The following SCIN variants were observed in gnomAD, a reference collection of about 807,000 sequenced individuals.
SCIN encodes adseverin.
A neutral mutation model predicts 91.8 loss-of-function variants in SCIN; 91 were observed. That is an observed-to-expected ratio of 0.99 (90% CI 0.84 to 1.18). SCIN has a LOEUF of 1.18. Among genes scored for constraint, SCIN ranks in the 50% most tolerant of loss-of-function variants. SCIN has a pLI of 0.00. For missense variants in SCIN, 1,087 were observed against 863.9 expected, an observed-to-expected ratio of 1.26 and a Z score of -3.24; for synonymous variants, 367 against 312.6, an observed-to-expected ratio of 1.17 and a Z score of -1.84.
rs2115309003 is a variant in SCIN, at chr7:12,655,072, T to C, written c.*2357T>C. 6.6e-6 allele frequency: 1 copy of C among 152,280 alleles called. No homozygotes were observed. Among genetic ancestry groups the C allele is most frequent in the African/African-American group, 2.4e-5 (1 of 41,578 alleles). 9.4% of individuals were successfully genotyped at this position (152,280 alleles called of 1,614,324 possible). ...CAACATCCTTGAATGCTCAAGTCCC[T>C]TATATAAAACGGCATAGTATTTGCA... On this transcript the variant is annotated 3_prime_UTR_variant, in exon 16 of 16. Transcript: ENST00000297029.
chr7:12,626,528 A>G, intron 7 of SCIN, 56 bp from the exon 8 acceptor site: 1 of 1,311,738 alleles, frequency 7.6e-7, no homozygotes, highest in Non-Finnish European at 1.0e-6. Context: ...CCAGATTCAT[A>G]TTTTCCCTTA....
chr7:12,615,152 A>G (rs939904510), intron 4 of SCIN, among the ~76,000 whole-genome samples: 1 of 152,200 alleles, frequency 6.6e-6, no homozygotes, highest in Admixed American at 6.5e-5. Context: ...TTTGCCAGAA[A>G]TGTTTGATAA....
chr7:12,587,741 T>C (rs1323402683), intron 3 of SCIN, among the ~76,000 whole-genome samples: 1 of 152,220 alleles, frequency 6.6e-6, no homozygotes, highest in East Asian at 1.9e-4. Flanking sequence ...ACAAATCAAT[T>C]GGAAGGGAAG....
At chr7:12,647,590 T>G (rs1043269909) in intron 13 of SCIN, among the ~76,000 whole-genome samples, 3 of 152,212 alleles carry the variant, frequency 2.0e-5, no homozygotes, top group African/African-American at 7.2e-5. Flanking sequence ...CTGTGAATAT[T>G]AACTTAGCTG....
At chr7:12,594,199 T>G (rs556458769) in intron 3 of SCIN, among the ~76,000 whole-genome samples, 1 of 150,594 alleles carries the variant, frequency 6.6e-6, no homozygotes. Flanking sequence ...GGGAGAGGGG[T>G]AGAGCCGGAG....
At chr7:12,607,891 C>A (rs1562611919) in intron 4 of SCIN, among the ~76,000 whole-genome samples, 1 of 152,102 alleles carries the variant, frequency 6.6e-6, no homozygotes, top group Non-Finnish European at 1.5e-5. Flanking sequence ...TACAAAAAGC[C>A]CATGAACTTG....
chr7:12,580,671 C>G (rs914521924), intron 2 of SCIN, among the ~76,000 whole-genome samples: 5 of 152,162 alleles, frequency 3.3e-5, no homozygotes, highest in Admixed American at 6.6e-5. Context: ...ACTTCTGACC[C>G]TCCTCTAGCC....
intron 13 of SCIN, among the ~76,000 whole-genome samples, chr7:12,647,013 T>C (rs1180162753): frequency 7.7e-6 from 1 of 129,174 alleles, no homozygotes; most frequent in Non-Finnish European, 1.6e-5. Flanking sequence ...GCTGTTTTAT[T>C]GTTTTGACTT....
At chr7:12,626,832 T>C (rs1783535542) in intron 8 of SCIN, 33 bp downstream of exon 8, 2 of 1,550,982 alleles carry the variant, frequency 1.3e-6, no homozygotes, top group African/African-American at 1.4e-5. Flanking sequence ...ATCAAGCCCA[T>C]TAATGCCAGT....
At chr7:12,579,610 T>C (rs1289070337) in intron 2 of SCIN, among the ~76,000 whole-genome samples, 1 of 152,168 alleles carries the variant, frequency 6.6e-6, no homozygotes, top group South Asian at 2.1e-4. Context: ...TATTAAGGAA[T>C]AAATTAAATA....
In SCIN at chr7:12,644,645, C is replaced by G. The variant is rs766059235; in HGVS notation, c.1821C>G (p.Thr607=). The G allele has an allele frequency of 6.2e-7, 1 of 1,603,086 alleles. No homozygotes were observed. The change falls in exon 13 of 16, where the codon ACC becomes ACG. Residue 607 remains threonine, a synonymous_variant. Coordinates refer to ENST00000297029, the MANE Select transcript of SCIN (RefSeq NM_001112706.3). The part of the protein sequence containing the change: ...KDYQTSPLLE[T]QAEDHPPRLY... ...ACCAGACCTCACCACTACTGGAAAC[C>G]CAGGCTGAAGACCATCCACCTCGGC...
intron 4 of SCIN, among the ~76,000 whole-genome samples, chr7:12,618,789 G>T (rs1224179184): frequency 1.3e-5 from 2 of 152,080 alleles, no homozygotes; most frequent in African/African-American, 4.8e-5. Flanking sequence ...TTAAGGAAAA[G>T]AAGTAAGATA....
At chr7:12,586,399 A>G (rs1450741355) in intron 3 of SCIN, among the ~76,000 whole-genome samples, 1 of 152,242 alleles carries the variant, frequency 6.6e-6, no homozygotes, top group Non-Finnish European at 1.5e-5. Context: ...TATCCCAGTT[A>G]GAATGACTGT....
At chr7:12,583,591 C>T (rs1782530510) in intron 3 of SCIN, among the ~76,000 whole-genome samples, 1 of 152,154 alleles carries the variant, frequency 6.6e-6, no homozygotes, top group South Asian at 2.1e-4. Flanking sequence ...GAATTCAGAA[C>T]TGATGATGCT....
chr7:12,626,701 C>G lies in SCIN; in HGVS notation c.1099C>G (p.Gln367Glu), dbSNP rs991280907. Reference protein sequence around the residue: ...GKVYVTEKVAQIKQIPFDASK... With the variant: ...GKVYVTEKVAEIKQIPFDASK... ...AGTTTATGTCACAGAGAAAGTGGCTCAAATAAAACAAATTCCCTTTGATGC... is the reference window on the plus strand; with the variant it reads ...AGTTTATGTCACAGAGAAAGTGGCTGAAATAAAACAAATTCCCTTTGATGC... The change falls in exon 8 of 16, where the codon CAA (glutamine) becomes GAA (glutamate). Residue 367 changes from glutamine (Q) to glutamate (E), a missense_variant. Physicochemically the swap from Gln to Glu is conservative, Grantham distance 29. Coordinates refer to ENST00000297029, the MANE Select transcript of SCIN (RefSeq NM_001112706.3). 1.9e-6 allele frequency: 3 copies of G among 1,595,814 alleles called. No homozygotes were observed. In the African/African-American group the frequency reaches 4.0e-5, roughly 21 times the overall value.
At chr7:12,615,523 C>T (rs997760987) in intron 4 of SCIN, among the ~76,000 whole-genome samples, 14 of 152,234 alleles carry the variant, frequency 9.2e-5, no homozygotes, top group East Asian at 1.9e-4. Flanking sequence ...CCATGCGGAA[C>T]GGAGAGTCAA....
In SCIN at chr7:12,644,120, T is replaced by C. The variant is rs766669562; in HGVS notation, c.1582-18T>C. The C allele has an allele frequency of 1.1e-5, 17 of 1,602,380 alleles. No homozygotes were observed. Among genetic ancestry groups the C allele is most frequent in the Non-Finnish European group, 1.3e-5 (15 of 1,172,840 alleles). ...GCAATGAATTTGAATCATTGTTTTA[T>C]TTTTCTTCATATTCCAGGTTGATGT... is the stretch of plus-strand genomic sequence containing the variant. On this transcript the variant is annotated intron_variant, in intron 11 of 15. Transcript: ENST00000297029.
At chr7:12,588,807 G>GT (rs1491419309) in intron 3 of SCIN, 2 of 38,760 alleles carry the variant, frequency 5.2e-5, no homozygotes, top group African/African-American at 1.8e-4. Flanking sequence ...GCTGCATTGG[G>GT]TGGGGGGGGG....
rs922389879 is a variant in SCIN, at chr7:12,656,403, T to C, written c.*3688T>C. 6.6e-6 allele frequency: 1 copy of C among 152,198 alleles called. No homozygotes were observed. The highest frequency in any genetic ancestry group is 1.5e-5 in the Non-Finnish European group (1 of 68,032). 9.4% of individuals were successfully genotyped at this position (152,198 alleles called of 1,614,324 possible). A position where few individuals can be genotyped will look rare whatever the true frequency, so the allele number is the denominator to read the frequency against. ...AAACCTAATTTATTTTAAACCTAAT[T>C]TATTTATTTTAAACCTAATTTATTT... On this transcript the variant is annotated 3_prime_UTR_variant, in exon 16 of 16. Coordinates refer to ENST00000297029, the MANE Select transcript of SCIN (RefSeq NM_001112706.3).
Sources: gnomAD v4.1 joint callset for allele counts (sites outside exome capture counted in the v4.1 genomes callset) on GRCh38, gnomAD v4.1.1 for gene constraint, MANE v1.5 for transcripts, NCBI Gene and HGNC (gene_info 2026-07-23, HGNC 2026-07-21) for gene names.